PIEZO1: variants seen among roughly 807,000 people sequenced by gnomAD.
PIEZO1 encodes the protein piezo-type mechanosensitive ion channel component 1.
A neutral mutation model predicts 297.2 loss-of-function variants in PIEZO1; 296 were observed. The observed-to-expected ratio is 1.00, with a 90% CI of 0.91 to 1.10. PIEZO1 has a LOEUF of 1.10. Ranked by LOEUF, PIEZO1 falls within the 50% of genes least tolerant of loss-of-function variation. PIEZO1 has a pLI of 0.00. For synonymous variants in PIEZO1, 2,427 were observed against 1,507.5 expected, an observed-to-expected ratio of 1.61 and a Z score of -14.13; for missense variants, 5,018 against 3,455.5, an observed-to-expected ratio of 1.45 and a Z score of -11.34.
At chr16:88,776,018 T>TG in intron 1 of PIEZO1, among the ~76,000 whole-genome samples, 1 of 152,202 alleles carries the variant, frequency 6.6e-6, no homozygotes, top group South Asian at 2.1e-4. Flanking sequence ...GCACAGGCCG[T>TG]GGGGCAGTCG....
intron 1 of PIEZO1, among the ~76,000 whole-genome samples, chr16:88,774,240 T>C (rs1264400080): frequency 1.3e-5 from 2 of 152,032 alleles, no homozygotes; most frequent in African/African-American, 2.4e-5. Flanking sequence ...TAATATAAAC[T>C]AGAGGTCCAG....
Position 88,721,744 on chromosome 16 carries a change from C to A in PIEZO1, c.5215-18G>T. The stretch of plus-strand genomic sequence containing the variant: ...ACCGCGATCTGTGGGGGAGGGGGCT[C>A]AGCACGCGGGGAGGGTCACGGCGCG... On this transcript the variant is annotated intron_variant, in intron 37 of 50. Transcript: ENST00000301015. 2.6e-6 allele frequency: 4 copies of A among 1,536,014 alleles called. No individual in the cohort carries two copies. Among genetic ancestry groups the A allele is most frequent in the Non-Finnish European group, 3.5e-6 (4 of 1,140,088 alleles).
Position 88,726,295 on chromosome 16 carries a change from C to T in PIEZO1, c.3957G>A (p.Leu1319=), listed in dbSNP as rs746175891. ...HVRADLQATA[L]LASRGFALYN... The stretch of plus-strand genomic sequence containing the variant: ...GGGCCCAAGCTTGCCTGGAGGCTAG[C>T]AGGGCGGTGGCCTGGAGGTCGGCCC... The change falls in exon 27 of 51, where the codon CTG becomes CTA. Residue 1319 remains leucine (L), a synonymous_variant. Transcript: ENST00000301015. 6.5e-7 allele frequency: 1 copy of T among 1,548,400 alleles called. No homozygotes were observed. Among genetic ancestry groups the T allele is most frequent in the South Asian group, 1.2e-5 (1 of 83,862 alleles).
chr16:88,728,291 G>T (rs1174452268), intron 22 of PIEZO1, among the ~76,000 whole-genome samples: 1 of 152,290 alleles, frequency 6.6e-6, no homozygotes, highest in East Asian at 1.9e-4. Flanking sequence ...GAGGCAGGGA[G>T]GGTCGGTCCC....
At chr16:88,737,865 G>C in intron 8 of PIEZO1, 51 bp from the exon 9 acceptor site, 1 of 1,532,826 alleles carries the variant, frequency 6.5e-7, no homozygotes, top group South Asian at 1.2e-5. Flanking sequence ...CCCACCCAGA[G>C]GCAGGAGGTC....
Position 88,720,365 on chromosome 16 carries a change from G to C in PIEZO1, c.5949+20C>G. The C allele has an allele frequency of 6.5e-7, 1 of 1,550,272 alleles. No homozygotes were observed. Among genetic ancestry groups the C allele is most frequent in the Non-Finnish European group, 8.7e-7 (1 of 1,146,904 alleles). Reference sequence around the variant, plus strand: ...GCTGAGCTCTGCGTACACTGGGTTTGGGTCCCGGGCCTGGCTCACCCCAAA... The same window carrying C: ...GCTGAGCTCTGCGTACACTGGGTTTCGGTCCCGGGCCTGGCTCACCCCAAA... On this transcript the variant is annotated intron_variant, in intron 41 of 50. Transcript: ENST00000301015.
At chr16:88,741,051 C>G (rs1316140345) in intron 5 of PIEZO1, 3 of 157,366 alleles carry the variant, frequency 1.9e-5, no homozygotes, top group African/African-American at 7.2e-5. Flanking sequence ...CTCCTGGGGT[C>G]CAGGCCCCTG....
rs201519645 is a variant in PIEZO1, at chr16:88,717,010, C to A, written c.6660+13G>T. On this transcript the variant is annotated intron_variant, in intron 45 of 50. Transcript: ENST00000301015. ...GGGGATGGGAATGGACAGGCGGACC[C>A]ACACATGCTCACCTCATAGCCGCCC... 2.0e-3 allele frequency: 3,044 copies of A among 1,550,112 alleles called. 82 individuals carry two copies. In the South Asian group the frequency reaches 0.034, roughly 17 times the overall value.
At chr16:88,737,674 A>T in intron 9 of PIEZO1, 28 bp from the exon 10 acceptor site, 1 of 1,533,414 alleles carries the variant, frequency 6.5e-7, no homozygotes, top group Non-Finnish European at 8.7e-7. Flanking sequence ...TGAGCCATGC[A>T]CGGGCTGGCC....
intron 1 of PIEZO1, among the ~76,000 whole-genome samples, chr16:88,779,068 C>A (rs537222664): frequency 4.2e-5 from 6 of 142,814 alleles, no homozygotes; most frequent in African/African-American, 1.6e-4. Flanking sequence ...GGGAGTCTTG[C>A]TGTCCCCCAA....
intron 1 of PIEZO1, among the ~76,000 whole-genome samples, chr16:88,773,220 C>T (rs539048501): frequency 6.6e-6 from 1 of 152,242 alleles, no homozygotes. Context: ...CCCGGCGTCA[C>T]GCCCAGGCCC....
chr16:88,736,745 G>T lies in PIEZO1; in HGVS notation c.1196-6C>A. The T allele has an allele frequency of 1.3e-6, 2 of 1,512,100 alleles. No individual in the cohort carries two copies. The highest frequency in any genetic ancestry group is 1.8e-6 in the Non-Finnish European group (2 of 1,130,558). 93.7% of individuals were successfully genotyped at this position (1,512,100 alleles called of 1,614,324 possible). ...CTCAGCCCGCTTGGGCCGCACTGCA[G>T]GTGGGGACAGCGGTCAGCTTCGGCA... On this transcript the variant is annotated splice_region_variant and splice_polypyrimidine_tract_variant and intron_variant, in intron 10 of 50. Coordinates refer to ENST00000301015, the MANE Select transcript of PIEZO1 (RefSeq NM_001142864.4).
intron 1 of PIEZO1, among the ~76,000 whole-genome samples, chr16:88,758,606 C>T (rs1248854021): frequency 3.3e-5 from 5 of 152,214 alleles, no homozygotes; most frequent in African/African-American, 7.2e-5. Flanking sequence ...GGAACAGCCT[C>T]GGCACCCACC....
intron 1 of PIEZO1, among the ~76,000 whole-genome samples, chr16:88,767,827 T>G (rs1354133437): frequency 2.0e-5 from 3 of 152,050 alleles, no homozygotes; most frequent in Non-Finnish European, 4.4e-5. Flanking sequence ...ACTACAGCCT[T>G]GAGGGATCGA....
intron 1 of PIEZO1, among the ~76,000 whole-genome samples, chr16:88,764,523 C>T (rs1386558058): frequency 2.0e-5 from 3 of 151,996 alleles, no homozygotes; most frequent in Non-Finnish European, 4.4e-5. Context: ...GAAGCTAAGG[C>T]GGGTGGATCA....
intron 1 of PIEZO1, among the ~76,000 whole-genome samples, chr16:88,774,830 A>G (rs145601714): frequency 6.6e-6 from 1 of 152,322 alleles, no homozygotes; most frequent in Non-Finnish European, 1.5e-5. Flanking sequence ...CACATGGTCT[A>G]AGATACCTCA....
At chr16:88,723,832 T>C (rs1365006176) in intron 31 of PIEZO1, 39 bp downstream of exon 31, 1 of 1,080,766 alleles carries the variant, frequency 9.3e-7, no homozygotes, top group Admixed American at 2.0e-5. Flanking sequence ...CCACAAGCTC[T>C]GTGGTTGGAG....
chr16:88,774,352 C>T (rs1457310702), intron 1 of PIEZO1, among the ~76,000 whole-genome samples: 1 of 152,238 alleles, frequency 6.6e-6, no homozygotes, highest in African/African-American at 2.4e-5. Context: ...GATTGTGCCA[C>T]TGCACACCAG....
chr16:88,737,384 C>T (rs1905291176), intron 10 of PIEZO1, 175 bp downstream of exon 10: 1 of 576,438 alleles, frequency 1.7e-6, no homozygotes, highest in Non-Finnish European at 3.1e-6. Context: ...ACTCGGCTGC[C>T]CTGGGGGTCT....
Sources: gnomAD v4.1 joint callset for allele counts (sites outside exome capture counted in the v4.1 genomes callset) on GRCh38, gnomAD v4.1.1 for gene constraint, MANE v1.5 for transcripts, NCBI Gene and HGNC (gene_info 2026-07-23, HGNC 2026-07-21) for gene names.